NKAIN2: variants seen among roughly 807,000 people sequenced by gnomAD.
NKAIN2 encodes sodium/potassium-transporting ATPase subunit beta-1-interacting protein 2.
In NKAIN2, 14 loss-of-function variants were observed where a neutral mutation model predicts 32.6. The observed-to-expected ratio is 0.43, with a 90% CI of 0.28 to 0.67. NKAIN2 has a LOEUF of 0.67. Ranked by LOEUF, NKAIN2 falls within the 30% of genes least tolerant of loss-of-function variation. NKAIN2 has a pLI of 0.17. For missense variants in NKAIN2, 198 were observed against 258.3 expected, an observed-to-expected ratio of 0.77 and a Z score of 1.60; for synonymous variants, 80 against 87.2, an observed-to-expected ratio of 0.92 and a Z score of 0.46.
At chr6:124,203,038 G>A (rs951463608) in intron 1 of NKAIN2, among the ~76,000 whole-genome samples, 2 of 151,818 alleles carry the variant, frequency 1.3e-5, no homozygotes, top group Non-Finnish European at 2.9e-5. Flanking sequence ...ATAATGTGCT[G>A]TCTGTTTAAA....
chr6:124,112,532 C>G (rs1785431427), intron 1 of NKAIN2, among the ~76,000 whole-genome samples: 1 of 152,118 alleles, frequency 6.6e-6, no homozygotes, highest in Non-Finnish European at 1.5e-5. Context: ...TTATAATGTG[C>G]CTCAGTGTGT....
chr6:124,477,713 ACTCTTCCCCC>A, intron 3 of NKAIN2, among the ~76,000 whole-genome samples: 1 of 2,890 alleles, frequency 3.5e-4, no homozygotes, highest in Non-Finnish European at 6.3e-4. Context: ...CCTCCCCCTT[ACTCTTCCCCC>A]TTCCCCCTCC....
chr6:124,591,767 T>A (rs1223233706), intron 3 of NKAIN2, among the ~76,000 whole-genome samples: 2 of 152,156 alleles, frequency 1.3e-5, no homozygotes, highest in African/African-American at 4.8e-5. Context: ...GTGAATAATA[T>A]ACTCTGCCAA....
chr6:124,685,654 A>T (rs568151366), intron 4 of NKAIN2, among the ~76,000 whole-genome samples: 26 of 152,238 alleles, frequency 1.7e-4, no homozygotes, highest in African/African-American at 6.0e-4. Context: ...CTTCATCTAG[A>T]TCCAATTCTG....
chr6:124,732,863 T>A (rs1056734575), intron 4 of NKAIN2, among the ~76,000 whole-genome samples: 13 of 152,194 alleles, frequency 8.5e-5, no homozygotes, highest in African/African-American at 2.9e-4. Context: ...CATATAAAAA[T>A]CTTCTCATTA....
chr6:123,998,265 G>A (rs1481915346), intron 1 of NKAIN2, among the ~76,000 whole-genome samples: 3 of 152,030 alleles, frequency 2.0e-5, no homozygotes, highest in Admixed American at 6.5e-5. Context: ...AAACCCCCAA[G>A]GGAAAAATAG....
chr6:124,572,210 C>T (rs369767024), intron 3 of NKAIN2, among the ~76,000 whole-genome samples: 2 of 152,266 alleles, frequency 1.3e-5, no homozygotes, highest in East Asian at 3.9e-4. Flanking sequence ...TTGAATGATG[C>T]TCACTCACAT....
chr6:124,487,268 A>T (rs1236704525), intron 3 of NKAIN2, among the ~76,000 whole-genome samples: 1 of 152,164 alleles, frequency 6.6e-6, no homozygotes, highest in Non-Finnish European at 1.5e-5. Context: ...AAGTTCCTTT[A>T]ATGTATGAAA....
At chr6:123,805,191 A>G (rs891115859) in intron 1 of NKAIN2, among the ~76,000 whole-genome samples, 4 of 152,220 alleles carry the variant, frequency 2.6e-5, no homozygotes, top group Admixed American at 2.6e-4. Flanking sequence ...TTGTCATTAA[A>G]TATATTTCCT....
At chr6:124,251,095 C>T (rs1325494722) in intron 1 of NKAIN2, among the ~76,000 whole-genome samples, 1 of 151,682 alleles carries the variant, frequency 6.6e-6, no homozygotes, top group Non-Finnish European at 1.5e-5. Flanking sequence ...GGACAATGTA[C>T]ACAAAAAGGA....
chr6:123,968,588 G>T (rs1416277423), intron 1 of NKAIN2, among the ~76,000 whole-genome samples: 2 of 151,978 alleles, frequency 1.3e-5, no homozygotes, highest in Non-Finnish European at 2.9e-5. Flanking sequence ...CTGTACAATG[G>T]GATCCTAGCT....
chr6:124,692,157 A>G lies in NKAIN2; in HGVS notation c.474+33771A>G, dbSNP rs111832307. Among the ~76,000 whole-genome samples, 1,078 of 152,326 alleles carry G rather than the reference A, an allele frequency of 7.1e-3. 19 individuals are homozygous for G. The highest frequency in any genetic ancestry group is 0.025 in the African/African-American group (1,036 of 41,576). ...TAAATACTGGTTTAACTCCTATTAG[A>G]ACTCATAAGCTGTAATTCACAATGC... On this transcript the variant is annotated intron_variant, in intron 4 of 6. Coordinates refer to ENST00000368417, the MANE Select transcript of NKAIN2 (RefSeq NM_001040214.3).
chr6:124,433,714 C>T (rs1266366807), intron 3 of NKAIN2, among the ~76,000 whole-genome samples: 1 of 152,052 alleles, frequency 6.6e-6, no homozygotes, highest in Non-Finnish European at 1.5e-5. Flanking sequence ...ATTCTATCAA[C>T]CAGGCTCATA....
intron 4 of NKAIN2, among the ~76,000 whole-genome samples, chr6:124,771,691 TCTA>T (rs1243826716): frequency 6.6e-6 from 1 of 152,208 alleles, no homozygotes; most frequent in Non-Finnish European, 1.5e-5. Flanking sequence ...TTTTTCTCTT[TCTA>T]CTTTTTCTAT....
At chr6:124,587,461 G>A (rs529027520) in intron 3 of NKAIN2, among the ~76,000 whole-genome samples, 22 of 152,108 alleles carry the variant, frequency 1.4e-4, no homozygotes, top group African/African-American at 3.9e-4. Context: ...CTCGTGATCC[G>A]CCTGGTTTGG....
At chr6:124,178,812 G>T (rs1582799342) in intron 1 of NKAIN2, among the ~76,000 whole-genome samples, 1 of 152,094 alleles carries the variant, frequency 6.6e-6, no homozygotes, top group Non-Finnish European at 1.5e-5. Flanking sequence ...TTTGATTCAG[G>T]AAATATTCTG....
intron 2 of NKAIN2, among the ~76,000 whole-genome samples, chr6:124,294,620 G>T (rs1042517345): frequency 6.6e-6 from 1 of 152,024 alleles, no homozygotes; most frequent in Non-Finnish European, 1.5e-5. Flanking sequence ...TTCCTTGCAA[G>T]TATATAAGCA....
intron 4 of NKAIN2, among the ~76,000 whole-genome samples, chr6:124,692,274 G>T (rs1190324659): frequency 1.3e-5 from 2 of 152,024 alleles, no homozygotes; most frequent in African/African-American, 4.8e-5. Flanking sequence ...AAATAACTTT[G>T]CTGTTTTTCT....
At chr6:123,804,621 C>T (rs1429191489) in intron 1 of NKAIN2, among the ~76,000 whole-genome samples, 1 of 152,132 alleles carries the variant, frequency 6.6e-6, no homozygotes, top group Non-Finnish European at 1.5e-5. Context: ...CAGAGGAATA[C>T]GGAATTTTGG....
Sources: allele counts gnomAD v4.1 joint callset (sites outside exome capture counted in the v4.1 genomes callset), GRCh38; gene constraint gnomAD v4.1.1; transcripts MANE v1.5; gene names NCBI Gene and HGNC (gene_info 2026-07-23, HGNC 2026-07-21).